The following EEF2 variants were observed in gnomAD, a reference collection of about 807,000 sequenced individuals.
EEF2 encodes eukaryotic translation elongation factor 2.
EEF2 carries 21 observed loss-of-function variants against 85.3 expected under a neutral mutation model. That is an observed-to-expected ratio of 0.25 (90% CI 0.17 to 0.35). The LOEUF (loss-of-function observed/expected upper bound fraction) is 0.35, where lower values mean the gene tolerates loss of function less well. Ranked by LOEUF, EEF2 falls within the 10% of genes least tolerant of loss-of-function variation. The pLI, the probability that EEF2 is intolerant of heterozygous loss-of-function variation, is 1.00. For missense variants in EEF2, 825 were observed against 1,225.3 expected, an observed-to-expected ratio of 0.67 and a Z score of 4.88; for synonymous variants, 723 against 508.8, an observed-to-expected ratio of 1.42 and a Z score of -5.67.
At chr19:3,980,373 A>C in intron 9 of EEF2, 141 bp downstream of exon 9, 1 of 1,155,378 alleles carries the variant, frequency 8.7e-7, no homozygotes. Context: ...GGCTAAGAAC[A>C]AAAGTTGTGG....
In EEF2 at chr19:3,979,406, T is replaced by C. The variant is rs2039717189; in HGVS notation, c.1636A>G (p.Ile546Val). Residue 546 changes from isoleucine to valine, a missense_variant, in exon 11 of 15, where the codon ATC (isoleucine) becomes GTC (valine). Coordinates refer to ENST00000309311, the MANE Select transcript of EEF2 (RefSeq NM_001961.4). Reference sequence around the variant, plus strand: ...AGGTGCAGCTCGCCGGCGCCCGCGATGATATGCTCTCCCGACTCCTCGATG... The same window carrying C: ...AGGTGCAGCTCGCCGGCGCCCGCGACGATATGCTCTCCCGACTCCTCGATG... ...CIIEESGEHIIAGAGELHLEI... is the reference protein window; with the variant it reads ...CIIEESGEHIVAGAGELHLEI... 3 of 1,613,918 alleles carry C rather than the reference T, an allele frequency of 1.9e-6. No individual in the cohort carries two copies. Among genetic ancestry groups the C allele is most frequent in the Admixed American group, 1.7e-5 (1 of 60,000 alleles).
At chr19:3,979,527 C>T in intron 10 of EEF2, 91 bp from the exon 11 acceptor site, 1 of 1,167,712 alleles carries the variant, frequency 8.6e-7, no homozygotes, top group Non-Finnish European at 1.2e-6. Flanking sequence ...GGGACCCCGC[C>T]AGAACAAGAT....
intron 1 of EEF2, among the ~76,000 whole-genome samples, chr19:3,984,569 C>T (rs1266921055): frequency 6.6e-6 from 1 of 152,152 alleles, no homozygotes; most frequent in African/African-American, 2.4e-5. Flanking sequence ...GATTGACAAC[C>T]CAGAAATAAA....
intron 4 of EEF2, 127 bp from the exon 5 acceptor site, chr19:3,982,551 G>T: frequency 7.7e-7 from 1 of 1,297,832 alleles, no homozygotes; most frequent in South Asian, 1.2e-5. Flanking sequence ...TCAAAGTGAA[G>T]AAATGATCAG....
chr19:3,976,495 G>T lies in EEF2; in HGVS notation c.*59C>A. 1 of 1,543,618 alleles carries T rather than the reference G, an allele frequency of 6.5e-7. No homozygotes were observed. The highest frequency in any genetic ancestry group is 8.7e-7 in the Non-Finnish European group (1 of 1,143,454). On this transcript the variant is annotated 3_prime_UTR_variant, in exon 15 of 15. Transcript: ENST00000309311. ...TCCAGGTGTCGTCTGAGAATTCGAG[G>T]ACGTGGTGCTGTGGGTGCTGCGAGT...
chr19:3,982,522 T>G (rs765153617), intron 4 of EEF2, 98 bp from the exon 5 acceptor site: 3 of 1,455,772 alleles, frequency 2.1e-6, no homozygotes, highest in Non-Finnish European at 9.6e-7. Flanking sequence ...GACGCAGGCT[T>G]TCTTCAGTAG....
chr19:3,984,441 A>G lies in EEF2; in HGVS notation c.4-91T>C, dbSNP rs2039794018. The G allele has an allele frequency of 2.1e-6, 3 of 1,416,196 alleles. No homozygotes were observed. In the Admixed American group the frequency reaches 5.2e-5, roughly 24 times the overall value. 87.7% of individuals were successfully genotyped at this position (1,416,196 alleles called of 1,614,324 possible). ...TCAGTCCAAACGAACCAGCATGCCC[A>G]AGGCCAGGAGGGGGTTGGTGCTGGG... On this transcript the variant is annotated intron_variant, in intron 1 of 14. Coordinates refer to ENST00000309311, the MANE Select transcript of EEF2 (RefSeq NM_001961.4).
intron 11 of EEF2, 148 bp from the exon 12 acceptor site, chr19:3,978,320 A>G: frequency 3.1e-6 from 2 of 655,152 alleles, no homozygotes; most frequent in Non-Finnish European, 4.8e-6. Flanking sequence ...TCAGTGTTGC[A>G]GTGCCAAGCG....
chr19:3,976,803 G>C lies in EEF2; in HGVS notation c.2384-56C>G, dbSNP rs76769720. The C allele has an allele frequency of 2.8e-3, 4,022 of 1,461,354 alleles. 109 individuals are homozygous for C. In the African/African-American group the frequency reaches 0.052, roughly 19 times the overall value. 90.5% of individuals were successfully genotyped at this position (1,461,354 alleles called of 1,614,324 possible). ...CATCGAGAAGGTGGCAGGGCAGAAG[G>C]AAAGTCCTGTCAGGAGCTCAGGCTA... On this transcript the variant is annotated intron_variant, in intron 14 of 14. Coordinates refer to ENST00000309311, the MANE Select transcript of EEF2 (RefSeq NM_001961.4).
At chr19:3,981,489 G>T in intron 6 of EEF2, 37 bp from the exon 7 acceptor site, 1 of 1,585,964 alleles carries the variant, frequency 6.3e-7, no homozygotes. Context: ...AGCCCATTTG[G>T]GAACAGCAGG....
At position 3,977,537 on chromosome 19, in the gene EEF2, A is replaced by G; in HGVS notation, c.2141T>C (p.Ile714Thr). ...GATGATCTGGCCCCCTCCGCGGTGG[A>G]TGGCGTCGGCGTGCAGGGTGACGTC... The part of the protein sequence containing the change: ...VHDVTLHADA[I>T]HRGGGQIIPT... Residue 714 changes from isoleucine (I) to threonine (T), a missense_variant, in exon 13 of 15, where the codon ATC (isoleucine) becomes ACC (threonine). Ile to Thr is a moderately conservative substitution (Grantham distance 89). Coordinates refer to ENST00000309311, the MANE Select transcript of EEF2 (RefSeq NM_001961.4). This position sits in a 1 kb window ranked among gnomAD's most constrained non-coding sequence, Gnocchi z 5.4. 6.3e-7 allele frequency: 1 copy of G among 1,589,086 alleles called. No homozygotes were observed. Among genetic ancestry groups the G allele is most frequent in the East Asian group, 2.2e-5 (1 of 44,514 alleles).
chr19:3,979,602 G>T, intron 10 of EEF2, 166 bp from the exon 11 acceptor site: 1 of 937,264 alleles, frequency 1.1e-6, no homozygotes, highest in Non-Finnish European at 1.6e-6. Context: ...AGTCCCACAA[G>T]CTACAGTGAA....
In EEF2 at chr19:3,981,957, G is replaced by A; in HGVS notation, c.887C>T (p.Pro296Leu). The A allele has an allele frequency of 6.2e-7, 1 of 1,613,952 alleles. No individual in the cohort carries two copies. The highest frequency in any genetic ancestry group is 8.5e-7 in the Non-Finnish European group (1 of 1,179,906). ...GCAGCCCTCACTCACCTTGAAGATG[G>A]GGTCCAGGATCAGCTGGCAGAAGGT... is the stretch of plus-strand genomic sequence containing the variant. ...PRTFCQLILDPIFKVFDAIMN... is the reference protein window; with the variant it reads ...PRTFCQLILDLIFKVFDAIMN... The change falls in exon 6 of 15, where the codon CCC becomes CTC. Residue 296 changes from proline to leucine, a missense_variant. By Grantham distance (98) the Pro-to-Leu change is moderately conservative. Coordinates refer to ENST00000309311, the MANE Select transcript of EEF2 (RefSeq NM_001961.4).
intron 1 of EEF2, chr19:3,985,120 AC>A: frequency 5.0e-6 from 2 of 396,766 alleles, no homozygotes; most frequent in Non-Finnish European, 8.9e-6. Context: ...ATCATTCCCC[AC>A]CCCCATCCCC....
intron 11 of EEF2, among the ~76,000 whole-genome samples, chr19:3,978,761 C>T (rs1360587993): frequency 7.4e-6 from 1 of 135,012 alleles, no homozygotes; most frequent in African/African-American, 2.9e-5. Context: ...CAAGATCACG[C>T]CATTGCACTC....
At chr19:3,980,158 T>TC in intron 9 of EEF2, 92 bp from the exon 10 acceptor site, 1 of 1,511,140 alleles carries the variant, frequency 6.6e-7, no homozygotes, top group Non-Finnish European at 8.8e-7. Flanking sequence ...TTGGTGGCCC[T>TC]CCTGCCAGGT....
intron 6 of EEF2, 105 bp downstream of exon 6, chr19:3,981,842 C>T (rs1385859768): frequency 1.7e-5 from 18 of 1,050,308 alleles, no homozygotes; most frequent in Non-Finnish European, 2.4e-5. Flanking sequence ...CGCATCTGCC[C>T]CACAAGGAGA....
chr19:3,984,929 A>T, intron 1 of EEF2: 1 of 180,938 alleles, frequency 5.5e-6, no homozygotes, highest in Admixed American at 6.2e-5. Context: ...CATCAGGAGA[A>T]GGTATTTGGA....
rs1391549792 is a variant in EEF2, at chr19:3,977,822, C to T, written c.2064G>A (p.Lys688=). The T allele has an allele frequency of 4.4e-6, 7 of 1,581,256 alleles. No individual in the cohort carries two copies. Among genetic ancestry groups the T allele is most frequent in the Non-Finnish European group, 4.3e-6 (5 of 1,158,272 alleles). ...CACATGCTGAGCCGTGCCTCACCTC[C>T]TTGGTGGCCCACTGGAAGCCGGCCA... ...SVVAGFQWAT[K]EGALCEENMR... The change falls in exon 12 of 15, where the codon AAG becomes AAA. Residue 688 remains lysine (K), a synonymous_variant. Coordinates refer to ENST00000309311, the MANE Select transcript of EEF2 (RefSeq NM_001961.4). This position sits in a 1 kb window ranked among gnomAD's most constrained non-coding sequence, Gnocchi z 5.4.
Sources: allele counts gnomAD v4.1 joint callset (sites outside exome capture counted in the v4.1 genomes callset), GRCh38; gene constraint gnomAD v4.1.1; non-coding constraint Gnocchi (gnomAD v3.1); transcripts MANE v1.5; gene names NCBI Gene and HGNC (gene_info 2026-07-23, HGNC 2026-07-21).